Variants in SRPK1 observed in about 807,000 individuals in gnomAD.
SRPK1 encodes the protein SFRS protein kinase 1.
Under a neutral mutation model 89.5 loss-of-function variants are expected in SRPK1, and 52 were observed. The ratio of observed to expected loss-of-function variants is 0.58; its 90% confidence interval spans 0.46 to 0.73. The LOEUF (loss-of-function observed/expected upper bound fraction) is 0.73, where lower values mean the gene tolerates loss of function less well. SRPK1 is among the 30% of genes least tolerant of loss of function. The pLI is 0.00. For missense variants in SRPK1, 603 were observed against 780.6 expected (o/e 0.77, Z 2.71); for synonymous variants, 255 against 270.2 (o/e 0.94, Z 0.55).
chr6:35,868,985 C>T, intron 12 of SRPK1, 25 bp downstream of exon 12: 1 of 1,594,408 alleles, frequency 6.3e-7, no homozygotes, highest in South Asian at 1.1e-5. Flanking sequence ...CACTTCAAAA[C>T]ACCATTAAGG....
chr6:35,920,618 G>T (rs548564448), intron 1 of SRPK1, 90 bp from the exon 2 acceptor site: 18 of 1,177,224 alleles, frequency 1.5e-5, no homozygotes, highest in Non-Finnish European at 2.1e-5. Context: ...CGCCAGGCCC[G>T]GCTGCGGGGC....
intron 1 of SRPK1, chr6:35,920,819 T>A (rs1404286569): frequency 8.2e-6 from 4 of 485,048 alleles, no homozygotes; most frequent in Non-Finnish European, 1.4e-5. Context: ...CGAGCCGGCC[T>A]GGCGGGGAAC....
At chr6:35,899,893 C>T (rs574644313) in intron 2 of SRPK1, among the ~76,000 whole-genome samples, 11 of 151,548 alleles carry the variant, frequency 7.3e-5, no homozygotes, top group African/African-American at 1.5e-4. Context: ...CCCAGCAACT[C>T]GGGAGGCTGA....
chr6:35,840,008 T>G (rs972435103), intron 14 of SRPK1, among the ~76,000 whole-genome samples: 1 of 151,998 alleles, frequency 6.6e-6, no homozygotes, highest in Non-Finnish European at 1.5e-5. Context: ...GGTTTTGCCA[T>G]GTTGCCCAGG....
chr6:35,861,670 GAGGTTAATGCT>G (rs977204209), intron 12 of SRPK1, among the ~76,000 whole-genome samples: 9 of 152,264 alleles, frequency 5.9e-5, no homozygotes, highest in African/African-American at 2.2e-4. Flanking sequence ...GCTATTTTGA[GAGGTTAATGCT>G]AGGTTGCGCC....
rs1024841129 is a variant in SRPK1, at chr6:35,868,869, T to C, written c.1512+141A>G. 8 of 637,892 alleles carry C rather than the reference T, an allele frequency of 1.3e-5. No homozygotes were observed. The African/African-American group carries it at 1.3e-4, about 11-fold the overall frequency. The allele number at this position is 637,892 out of a possible 1,614,324, so 39.5% of individuals were successfully genotyped here. On this transcript the variant is annotated intron_variant, in intron 12 of 15. Coordinates refer to ENST00000373825, the MANE Select transcript of SRPK1 (RefSeq NM_003137.5). ...ATTTAAACTTTTCCATAGTAAAAGG[T>C]TTTTTTAAATGTAAAAAAATATTCA...
At chr6:35,857,664 C>A (rs767002532) in intron 12 of SRPK1, among the ~76,000 whole-genome samples, 6 of 152,182 alleles carry the variant, frequency 3.9e-5, no homozygotes, top group Non-Finnish European at 5.9e-5. Context: ...GATGGGGTCT[C>A]GCTATGTTAC....
chr6:35,917,252 A>G (rs1166883856), intron 2 of SRPK1, among the ~76,000 whole-genome samples: 6 of 152,250 alleles, frequency 3.9e-5, no homozygotes. Flanking sequence ...CCAAGCATCC[A>G]GAGGTCTCTC....
chr6:35,865,006 A>G (rs1176186860), intron 12 of SRPK1, among the ~76,000 whole-genome samples: 2 of 152,222 alleles, frequency 1.3e-5, no homozygotes, highest in Non-Finnish European at 2.9e-5. Flanking sequence ...TCAAGGACAC[A>G]GAGAGTAGAA....
At chr6:35,920,927 A>G in intron 1 of SRPK1, 117 bp downstream of exon 1, 14 of 1,087,152 alleles carry the variant, frequency 1.3e-5, no homozygotes, top group East Asian at 3.6e-5. Flanking sequence ...ACCTCAGTGG[A>G]GGGGCGCCGC....
rs1770008426 is a variant in SRPK1 at position 35,870,462 on chromosome 6, TTTC to T, written c.807_809del (p.Lys270del). On this transcript the variant is annotated inframe_deletion, in exon 10 of 16. Coordinates refer to ENST00000373825, the MANE Select transcript of SRPK1 (RefSeq NM_003137.5). ...CCTGGCGCTTCTGCTTCTTCTTCAA[TTTC>T]TTCTTCTTATTCTTTGACATTTTGT... 4 of 1,552,328 alleles carry T rather than the reference TTTC, an allele frequency of 2.6e-6. No individual in the cohort carries two copies. The Admixed American group carries it at 5.9e-5, about 23-fold the overall frequency.
intron 12 of SRPK1, among the ~76,000 whole-genome samples, chr6:35,861,699 T>C (rs1769785336): frequency 6.6e-6 from 1 of 152,334 alleles, no homozygotes; most frequent in African/African-American, 2.4e-5. Flanking sequence ...GCCTTGCCCT[T>C]TCGGGCTGAC....
At chr6:35,903,346 T>C (rs909568082) in intron 2 of SRPK1, among the ~76,000 whole-genome samples, 1 of 152,050 alleles carries the variant, frequency 6.6e-6, no homozygotes, top group Non-Finnish European at 1.5e-5. Flanking sequence ...ACCCCACCTC[T>C]ACTGAAAATA....
At chr6:35,903,970 ATT>A (rs754037534) in intron 2 of SRPK1, among the ~76,000 whole-genome samples, 21 of 143,304 alleles carry the variant, frequency 1.5e-4, no homozygotes, top group Non-Finnish European at 1.4e-4. Context: ...CACCCAGCGA[ATT>A]TTTTTTTTTT....
intron 6 of SRPK1, among the ~76,000 whole-genome samples, chr6:35,886,376 G>C (rs1043749052): frequency 3.3e-5 from 5 of 151,998 alleles, no homozygotes; most frequent in Non-Finnish European, 7.4e-5. Context: ...CACCGTGCCC[G>C]GCCTACTCAG....
In SRPK1 at chr6:35,872,666, T is replaced by C. The variant is rs778204008; in HGVS notation, c.648A>G (p.Pro216=). The C allele has an allele frequency of 2.1e-5, 34 of 1,611,964 alleles. No homozygotes were observed. Among genetic ancestry groups the C allele is most frequent in the Non-Finnish European group, 2.6e-5 (31 of 1,179,048 alleles). Residue 216 remains proline, a synonymous_variant, in exon 8 of 16, where the codon CCA becomes CCG. Coordinates refer to ENST00000373825, the MANE Select transcript of SRPK1 (RefSeq NM_003137.5). ...KCRIIHTDIK[P]ENILLSVNEQ... ...CATTCACTGACAATAAGATGTTCTCTGGTTTAATGTCAGTGTGGATGATAC... is the reference window on the plus strand; with the variant it reads ...CATTCACTGACAATAAGATGTTCTCCGGTTTAATGTCAGTGTGGATGATAC...
intron 6 of SRPK1, among the ~76,000 whole-genome samples, chr6:35,880,151 G>A (rs575551671): frequency 6.0e-5 from 9 of 149,862 alleles, no homozygotes; most frequent in South Asian, 2.1e-4. Flanking sequence ...TAAACAAAAC[G>A]GAGATATTAA....
At chr6:35,850,117 T>C (rs1412706203) in intron 13 of SRPK1, among the ~76,000 whole-genome samples, 1 of 151,946 alleles carries the variant, frequency 6.6e-6, no homozygotes, top group East Asian at 1.9e-4. Flanking sequence ...AAAAAGGAAA[T>C]TTAGTTTTAA....
chr6:35,886,787 G>T lies in SRPK1; in HGVS notation c.415C>A (p.Pro139Thr). Reference protein sequence around the residue: ...KSVRNSDPNDPNREMVVQLLD... With the variant: ...KSVRNSDPNDTNREMVVQLLD... Reference sequence around the variant, plus strand: ...AGTTGAACAACCATTTCTCTATTTGGATCATTAGGGTCTGAATTGCGAACC... The same window carrying T: ...AGTTGAACAACCATTTCTCTATTTGTATCATTAGGGTCTGAATTGCGAACC... The change falls in exon 6 of 16, where the codon CCA becomes ACA. Residue 139 changes from proline (P) to threonine (T), a missense_variant. Coordinates refer to ENST00000373825, the MANE Select transcript of SRPK1 (RefSeq NM_003137.5). 6.2e-7 allele frequency: 1 copy of T among 1,610,680 alleles called. No individual in the cohort carries two copies. The highest frequency in any genetic ancestry group is 1.7e-5 in the Admixed American group (1 of 59,940).
Sources: allele counts gnomAD v4.1 joint callset (sites outside exome capture counted in the v4.1 genomes callset), GRCh38; gene constraint gnomAD v4.1.1; transcripts MANE v1.5; gene names NCBI Gene and HGNC (gene_info 2026-07-23, HGNC 2026-07-21).